KIRREL1: variants seen among roughly 807,000 people sequenced by gnomAD.
KIRREL1 encodes the protein kin of IRRE-like protein 1.
In KIRREL1, 25 loss-of-function variants were observed where a neutral mutation model predicts 83.3. That is an observed-to-expected ratio of 0.30 (90% CI 0.22 to 0.42). The LOEUF is 0.42. Ranked by LOEUF, KIRREL1 falls within the 10% of genes least tolerant of loss-of-function variation. KIRREL1 has a pLI of 1.00. For synonymous variants in KIRREL1, 388 were observed against 410.4 expected (o/e 0.95, Z 0.66); for missense variants, 812 against 1,032.3 (o/e 0.79, Z 2.92).
In KIRREL1 at chr1:158,094,600, C is replaced by A; in HGVS notation, c.1798-44C>A. On this transcript the variant is annotated intron_variant, in intron 14 of 14. Coordinates refer to ENST00000359209, the MANE Select transcript of KIRREL1 (RefSeq NM_018240.7). This position sits in a 1 kb window ranked among gnomAD's most constrained non-coding sequence, Gnocchi z 4.6. ...GCCATGGTGAGACTTGATCCCCACC[C>A]AAGAGGGAACACTGCCTCCATCCTC... The A allele has an allele frequency of 6.7e-7, 1 of 1,489,828 alleles. No individual in the cohort carries two copies. Among genetic ancestry groups the A allele is most frequent in the Non-Finnish European group, 9.2e-7 (1 of 1,088,610 alleles). The allele number at this position is 1,489,828 out of a possible 1,614,324, so 92.3% of individuals were successfully genotyped here.
At chr1:158,040,858 A>G (rs1416427123) in intron 1 of KIRREL1, among the ~76,000 whole-genome samples, 4 of 152,178 alleles carry the variant, frequency 2.6e-5, no homozygotes, top group Non-Finnish European at 5.9e-5. Flanking sequence ...TTGGGTGACC[A>G]GCTAAGGATT....
In KIRREL1 at chr1:158,000,076, G is replaced by T. The variant is rs529593778; in HGVS notation, c.52+6348G>T. The stretch of plus-strand genomic sequence containing the variant: ...AAGCAGGAAAGATGGGGTGGGGGCT[G>T]AGGATAATTCCTAGAAGGAAGACTG... On this transcript the variant is annotated intron_variant, in intron 1 of 14. Coordinates refer to ENST00000359209, the MANE Select transcript of KIRREL1 (RefSeq NM_018240.7). 1.5e-4 allele frequency among the ~76,000 whole-genome samples: 23 copies of T among 151,822 alleles called. 1 individual carries two copies. The South Asian group carries it at 4.6e-3, about 30-fold the overall frequency.
intron 1 of KIRREL1, among the ~76,000 whole-genome samples, chr1:158,051,372 T>C (rs1490634044): frequency 6.6e-6 from 1 of 152,238 alleles, no homozygotes. Context: ...TCAGTTATTC[T>C]TATTAGTGGT....
intron 1 of KIRREL1, among the ~76,000 whole-genome samples, chr1:158,026,650 A>G (rs1660180879): frequency 6.6e-6 from 1 of 152,166 alleles, no homozygotes; most frequent in African/African-American, 2.4e-5. Flanking sequence ...ACTTTATGTG[A>G]TCTTCCCAAT....
chr1:158,094,950 C>T lies in KIRREL1; in HGVS notation c.2104C>T (p.Pro702Ser). ...TCCCTTCCCTGGGGCAGCTGGGTAC[C>T]CCACCTACCGACTGGGCTACCCCCA... Reference protein sequence around the residue: ...SHPFPGAAGYPTYRLGYPQAP... With the variant: ...SHPFPGAAGYSTYRLGYPQAP... The change falls in exon 15 of 15, where the codon CCC becomes TCC. Residue 702 changes from proline to serine, a missense_variant. Around this residue, in one of 3 missense-constraint regions of KIRREL1, gnomAD observed 334 missense variants for 383.7 expected, o/e 0.87. Coordinates refer to ENST00000359209, the MANE Select transcript of KIRREL1 (RefSeq NM_018240.7). This position sits in a 1 kb window ranked among gnomAD's most constrained non-coding sequence, Gnocchi z 4.6. 1.9e-6 allele frequency: 3 copies of T among 1,614,040 alleles called. No individual in the cohort carries two copies. The highest frequency in any genetic ancestry group is 2.5e-6 in the Non-Finnish European group (3 of 1,179,970).
At chr1:158,035,161 A>C (rs953893687) in intron 1 of KIRREL1, among the ~76,000 whole-genome samples, 1 of 152,206 alleles carries the variant, frequency 6.6e-6, no homozygotes, top group Non-Finnish European at 1.5e-5. Context: ...GTAGCTATTC[A>C]GGCTCCCTCT....
rs75351579 is a variant in KIRREL1, at chr1:158,059,883, G to A, written c.53-16230G>A. 7.6e-3 allele frequency among the ~76,000 whole-genome samples: 1,156 copies of A among 152,282 alleles called. 13 individuals are homozygous for A. The highest frequency in any genetic ancestry group is 0.038 in the East Asian group (199 of 5,182). ...GTTAGGATTTGGGGTTAGAGTGATTGCTAGGATTAGGTATGGATTGGAATT... is the reference window on the plus strand; with the variant it reads ...GTTAGGATTTGGGGTTAGAGTGATTACTAGGATTAGGTATGGATTGGAATT... On this transcript the variant is annotated intron_variant, in intron 1 of 14. Transcript: ENST00000359209.
chr1:158,029,137 C>T lies in KIRREL1; in HGVS notation c.52+35409C>T, dbSNP rs1359955509. On this transcript the variant is annotated intron_variant, in intron 1 of 14. Transcript: ENST00000359209. ...AAAAACCTGTACAGGGCATGTACAG[C>T]AGAATGAAAACAATAACCTATCGTG... Among the ~76,000 whole-genome samples the T allele has an allele frequency of 2.0e-5, 3 of 152,146 alleles. No homozygotes were observed. In the East Asian group the frequency reaches 5.8e-4, roughly 29 times the overall value.
At chr1:158,018,973 G>A (rs1190369699) in intron 1 of KIRREL1, among the ~76,000 whole-genome samples, 1 of 152,164 alleles carries the variant, frequency 6.6e-6, no homozygotes. Context: ...AGGTTCATTC[G>A]GATGACTTGG....
chr1:158,029,337 C>CTGTGTGTGTGTGTGTGTG (rs60980289), intron 1 of KIRREL1, among the ~76,000 whole-genome samples: 1,444 of 69,270 alleles, frequency 0.021, 11 homozygotes, highest in Middle Eastern at 0.051. Flanking sequence ...TAACAAAAAC[C>CTGTGTGTGTGTGTGTGTG]TGTGTGTGTG....
At chr1:158,089,928 C>T in intron 10 of KIRREL1, 110 bp downstream of exon 10, 1 of 867,968 alleles carries the variant, frequency 1.2e-6, no homozygotes, top group Non-Finnish European at 1.9e-6. Flanking sequence ...TGTCCCGTTT[C>T]CATCCTCGAA....
chr1:158,019,217 AAG>A (rs1659929981), intron 1 of KIRREL1, among the ~76,000 whole-genome samples: 1 of 152,198 alleles, frequency 6.6e-6, no homozygotes, highest in South Asian at 2.1e-4. Flanking sequence ...GAGAAGGGAC[AAG>A]AGAGAGGAGC....
chr1:158,087,615 T>G, intron 5 of KIRREL1, 140 bp from the exon 6 acceptor site: 1 of 609,102 alleles, frequency 1.6e-6, no homozygotes, highest in Non-Finnish European at 2.9e-6. Flanking sequence ...GAAGACAGTG[T>G]GTTAACTGGA....
chr1:158,002,422 A>G (rs1446343694), intron 1 of KIRREL1, among the ~76,000 whole-genome samples: 1 of 152,216 alleles, frequency 6.6e-6, no homozygotes, highest in East Asian at 1.9e-4. Context: ...ATGTGCATTT[A>G]GGAGCTGAGC....
At chr1:158,070,265 C>T (rs540998815) in intron 1 of KIRREL1, among the ~76,000 whole-genome samples, 4 of 152,294 alleles carry the variant, frequency 2.6e-5, no homozygotes, top group South Asian at 2.1e-4. Context: ...GAGAGACACC[C>T]GGGATATCCC....
At chr1:158,044,591 C>T (rs533924524) in intron 1 of KIRREL1, among the ~76,000 whole-genome samples, 261 of 152,218 alleles carry the variant, frequency 1.7e-3, no homozygotes, top group Non-Finnish European at 2.7e-3. Flanking sequence ...CTTTGTCTCC[C>T]GGATTCAAGC....
intron 1 of KIRREL1, among the ~76,000 whole-genome samples, chr1:158,002,544 TG>T (rs1371490983): frequency 6.6e-6 from 1 of 152,200 alleles, no homozygotes; most frequent in Non-Finnish European, 1.5e-5. Flanking sequence ...TTATGAGCAT[TG>T]TTTTTTTAAA....
At chr1:158,091,332 C>T (rs749646851) in intron 10 of KIRREL1, 26 bp from the exon 11 acceptor site, 2 of 1,606,456 alleles carry the variant, frequency 1.2e-6, no homozygotes, top group African/African-American at 1.3e-5. Context: ...CCCTTTCTTA[C>T]CTTCTTCCTT....
chr1:158,045,077 G>C (rs548405682), intron 1 of KIRREL1, among the ~76,000 whole-genome samples: 1 of 152,308 alleles, frequency 6.6e-6, no homozygotes, highest in Non-Finnish European at 1.5e-5. Flanking sequence ...CAGGCAGAGG[G>C]AACAGCAGAG....
Sources: allele counts gnomAD v4.1 joint callset (sites outside exome capture counted in the v4.1 genomes callset), GRCh38; gene constraint gnomAD v4.1.1; regional missense constraint gnomAD v4.1.1; non-coding constraint Gnocchi (gnomAD v3.1); transcripts MANE v1.5; gene names NCBI Gene and HGNC (gene_info 2026-07-23, HGNC 2026-07-21).